Variants in AK3 observed in about 807,000 individuals in gnomAD.
AK3 encodes adenylate kinase 3, also known as GTP:AMP phosphotransferase AK3, mitochondrial.
In AK3, 27 loss-of-function variants were observed where a neutral mutation model predicts 23.7. The ratio of observed to expected loss-of-function variants is 1.14; its 90% CI spans 0.84 to 1.57. AK3 has a LOEUF of 1.57. AK3 is among the 40% of genes most tolerant of loss of function. The pLI is 0.00. For synonymous variants in AK3, 159 were observed against 116.0 expected (o/e 1.37, Z -2.38); for missense variants, 406 against 285.6 (o/e 1.42, Z -3.04).
chr9:4,728,866 T>TATATATATATATATATACACAC (rs1395790351), intron 1 of AK3, among the ~76,000 whole-genome samples: 2 of 87,888 alleles, frequency 2.3e-5, no homozygotes, highest in African/African-American at 3.8e-5. Flanking sequence ...TATATATATA[T>TATATATATATATATATACACAC]ACACACACAC....
Position 4,710,428 on chromosome 9 carries a change from CCAGGATGGT to C in AK3, c.*2539_*2547del. 8.8e-6 allele frequency: 1 copy of C among 113,596 alleles called. No homozygotes were observed. The highest frequency in any genetic ancestry group is 2.1e-5 in the Non-Finnish European group (1 of 46,578). The allele number at this position is 113,596 out of a possible 1,614,324, so 7.0% of individuals were successfully genotyped here. A position where few individuals can be genotyped will look rare whatever the true frequency, so the allele number is the denominator to read the frequency against. On this transcript the variant is annotated 3_prime_UTR_variant, in exon 5 of 5. Transcript: ENST00000381809. ...TAGAGACGGGGTTTCACCGTGTTAG[CCAGGATGGT>C]CTCGATCTCCTGACCTCGTGATCCG... is the stretch of plus-strand genomic sequence containing the variant.
At position 4,712,850 on chromosome 9, in the gene AK3, T is replaced by C. The variant is rs1841597617; in HGVS notation, c.*126A>G. 5 of 1,097,094 alleles carry C rather than the reference T, an allele frequency of 4.6e-6. No individual in the cohort carries two copies. The highest frequency in any genetic ancestry group is 5.0e-5 in the Admixed American group (2 of 40,070). 68.0% of individuals were successfully genotyped at this position (1,097,094 alleles called of 1,614,324 possible). A position where few individuals can be genotyped will look rare whatever the true frequency, so the allele number is the denominator to read the frequency against. ...TCCTTAGTATCCAAAATAAAATCAG[T>C]AGAAATAAAAGTAATATAATTTTCA... On this transcript the variant is annotated 3_prime_UTR_variant, in exon 5 of 5. Coordinates refer to ENST00000381809, the MANE Select transcript of AK3 (RefSeq NM_016282.4).
At chr9:4,719,792 G>C (rs117008697) in intron 2 of AK3, among the ~76,000 whole-genome samples, 1 of 152,126 alleles carries the variant, frequency 6.6e-6, no homozygotes, top group Non-Finnish European at 1.5e-5. Flanking sequence ...CTGGCCGGGC[G>C]CAGTGGCTCA....
At chr9:4,736,257 G>T (rs1842290815) in intron 1 of AK3, among the ~76,000 whole-genome samples, 1 of 151,746 alleles carries the variant, frequency 6.6e-6, no homozygotes, top group African/African-American at 2.4e-5. Flanking sequence ...AGAAAAAAAT[G>T]AAATGGGGCA....
chr9:4,728,903 TTATA>T (rs1288944035), intron 1 of AK3, among the ~76,000 whole-genome samples: 2 of 131,476 alleles, frequency 1.5e-5, no homozygotes, highest in Non-Finnish European at 3.2e-5. Context: ...ATACACATAC[TTATA>T]TATATACATA....
upstream of AK3, chr9:4,741,265 A>T: frequency 3.3e-6 from 2 of 614,050 alleles, no homozygotes; most frequent in Non-Finnish European, 4.9e-6. Context: ...ACAGCGCGGG[A>T]CCCCGCTGTT....
intron 1 of AK3, among the ~76,000 whole-genome samples, chr9:4,736,706 A>T (rs1199720801): frequency 6.6e-6 from 1 of 151,540 alleles, no homozygotes; most frequent in Non-Finnish European, 1.5e-5. Context: ...TTTTTGAGAC[A>T]GGGTCTCACT....
chr9:4,740,556 G>A (rs1218096065), intron 1 of AK3, among the ~76,000 whole-genome samples: 2 of 152,168 alleles, frequency 1.3e-5, no homozygotes, highest in African/African-American at 2.4e-5. Context: ...ACTCTAGCAG[G>A]GCTAATGACA....
chr9:4,720,512 C>T (rs2130883053), intron 2 of AK3, among the ~76,000 whole-genome samples: 1 of 151,970 alleles, frequency 6.6e-6, no homozygotes, highest in East Asian at 1.9e-4. Context: ...AGCAAGACCC[C>T]TTCTCTATAA....
Position 4,719,156 on chromosome 9 carries a change from T to C in AK3, c.423A>G (p.Glu141=), listed in dbSNP as rs1244114873. The C allele has an allele frequency of 1.2e-6, 2 of 1,611,776 alleles. No homozygotes were observed. The highest frequency in any genetic ancestry group is 2.2e-5 in the East Asian group (1 of 44,896). ...TCACCACAGTTTTGGGAGGGTTGAA[T>C]TCAATGTTATAGACTCGGCCACTGG... The part of the protein sequence containing the change: ...HPASGRVYNI[E]FNPPKTVGID... Residue 141 remains glutamate, a synonymous_variant, in exon 3 of 5, where the codon GAA becomes GAG. Coordinates refer to ENST00000381809, the MANE Select transcript of AK3 (RefSeq NM_016282.4).
intron 1 of AK3, 55 bp from the exon 2 acceptor site, chr9:4,722,680 G>C (rs1368133566): frequency 1.2e-6 from 2 of 1,610,202 alleles, no homozygotes; most frequent in East Asian, 2.2e-5. Flanking sequence ...TCCCATTCCA[G>C]GCACCTCGGA....
At position 4,712,987 on chromosome 9, in the gene AK3, C is replaced by T. The variant is rs777122333; in HGVS notation, c.673G>A (p.Val225Ile). The T allele has an allele frequency of 4.3e-6, 7 of 1,613,190 alleles. No individual in the cohort carries two copies. Among genetic ancestry groups the T allele is most frequent in the Non-Finnish European group, 5.9e-6 (7 of 1,179,584 alleles). Residue 225 changes from valine (V) to isoleucine (I), a missense_variant, in exon 5 of 5, where the codon GTT becomes ATT. By Grantham distance (29) the Val-to-Ile change is conservative. Coordinates refer to ENST00000381809, the MANE Select transcript of AK3 (RefSeq NM_016282.4). ...KVPQRSQKAS[V>I]TP ...ACACACATTTCTCCTCATGGAGTAA[C>T]TGAAGCTTTCTGGCTTCTTTGTGGA... is the stretch of plus-strand genomic sequence containing the variant.
At chr9:4,727,733 T>C (rs1334507324) in intron 1 of AK3, among the ~76,000 whole-genome samples, 1 of 152,228 alleles carries the variant, frequency 6.6e-6, no homozygotes, top group African/African-American at 2.4e-5. Context: ...CTTGGCTAAC[T>C]GGTGCAAGAA....
In AK3 at chr9:4,722,515, G is replaced by T. The variant is rs758811386; in HGVS notation, c.262C>A (p.Leu88Met). The T allele has an allele frequency of 1.9e-6, 3 of 1,614,156 alleles. No homozygotes were observed. The highest frequency in any genetic ancestry group is 2.5e-6 in the Non-Finnish European group (3 of 1,180,022). The change falls in exon 2 of 5, where the codon CTG becomes ATG. Residue 88 changes from leucine (L) to methionine (M), a missense_variant. By Grantham distance (15) the Leu-to-Met change is conservative (BLOSUM62 2). Coordinates refer to ENST00000381809, the MANE Select transcript of AK3 (RefSeq NM_016282.4). Reference sequence around the variant, plus strand: ...ATGAGACTCCACTTACCATCCAACAGCCAGCTATACTGGGTGAGATTTTTC... The same window carrying T: ...ATGAGACTCCACTTACCATCCAACATCCAGCTATACTGGGTGAGATTTTTC... Reference protein sequence around the residue: ...ELKNLTQYSWLLDGFPRTLPQ... With the variant: ...ELKNLTQYSWMLDGFPRTLPQ...
At chr9:4,741,309 CG>C, upstream of AK3, 1 of 416,700 alleles carries the variant, frequency 2.4e-6, no homozygotes, top group Non-Finnish European at 4.0e-6. Context: ...GCGCACCCCC[CG>C]CCCCCGACCG....
rs1467134991 is a variant in AK3 at position 4,709,948 on chromosome 9, G to A, written c.*3028C>T. On this transcript the variant is annotated 3_prime_UTR_variant, in exon 5 of 5. Transcript: ENST00000381809. ...CTATAATTACAATGATTTGTTGTTA[G>A]TATAGGGCAGTTTTGTCACAAGTTA... 3 of 152,108 alleles carry A rather than the reference G, an allele frequency of 2.0e-5. No individual in the cohort carries two copies. Among genetic ancestry groups the A allele is most frequent in the Non-Finnish European group, 4.4e-5 (3 of 68,016 alleles). The allele number at this position is 152,108 out of a possible 1,614,324, so 9.4% of individuals were successfully genotyped here. A position where few individuals can be genotyped will look rare whatever the true frequency, so the allele number is the denominator to read the frequency against.
intron 1 of AK3, among the ~76,000 whole-genome samples, chr9:4,731,949 C>T (rs1842163914): frequency 6.6e-6 from 1 of 152,034 alleles, no homozygotes; most frequent in South Asian, 2.1e-4. Flanking sequence ...ATTTTCTTTT[C>T]TTATGATTTT....
chr9:4,727,319 G>C (rs1842042181), intron 1 of AK3, among the ~76,000 whole-genome samples: 1 of 152,206 alleles, frequency 6.6e-6, no homozygotes, highest in Non-Finnish European at 1.5e-5. Flanking sequence ...TTTTCCAATA[G>C]AAGGCTGTTT....
At chr9:4,721,034 AAAG>A (rs1451017268) in intron 2 of AK3, among the ~76,000 whole-genome samples, 3 of 152,190 alleles carry the variant, frequency 2.0e-5, no homozygotes, top group Non-Finnish European at 4.4e-5. Flanking sequence ...TACACCTCAT[AAAG>A]AAGCAAGACT....
Sources: allele counts gnomAD v4.1 joint callset (sites outside exome capture counted in the v4.1 genomes callset), GRCh38; gene constraint gnomAD v4.1.1; transcripts MANE v1.5; gene names NCBI Gene and HGNC (gene_info 2026-07-23, HGNC 2026-07-21).